Variants in MYOCD observed in about 807,000 individuals in gnomAD.
MYOCD encodes the protein myocardin.
Under a neutral mutation model 96.1 loss-of-function variants are expected in MYOCD, and 32 were observed. The observed-to-expected ratio is 0.33, with a 90% CI of 0.25 to 0.45. The LOEUF is 0.45. Ranked by LOEUF, MYOCD falls within the 20% of genes least tolerant of loss-of-function variation. The probability of loss-of-function intolerance (pLI) is 1.00; values close to 1 mark genes in which losing one functional copy is unlikely to be tolerated. For missense variants in MYOCD, 1,133 were observed against 1,200.6 expected (o/e 0.94, Z 0.83); for synonymous variants, 469 against 469.0 (o/e 1.00, Z 0.00).
intron 1 of MYOCD, among the ~76,000 whole-genome samples, chr17:12,676,245 GCACACACACA>G (rs36211306): frequency 0.077 from 11,220 of 145,552 alleles, 458 homozygotes; most frequent in Admixed American, 0.12. Context: ...GCGCGCGCAC[GCACACACACA>G]CACACACACA....
Position 12,736,188 on chromosome 17 carries a change from C to T in MYOCD, c.443C>T (p.Thr148Met), listed in dbSNP as rs138416805. ...KGNQVSFSKS[T>M]DAFAFEEDSS... ...AACCAGGTGAGTTTCTCCAAATCCA[C>T]GGATGCTTTTGCCTTTGAAGAGGAC... is the stretch of plus-strand genomic sequence containing the variant. Residue 148 changes from threonine to methionine, a missense_variant, in exon 6 of 14, where the codon ACG becomes ATG. Coordinates refer to ENST00000425538, the MANE Select transcript of MYOCD (RefSeq NM_001146312.3). 5.3e-5 allele frequency: 86 copies of T among 1,614,080 alleles called. No individual in the cohort carries two copies. In the African/African-American group the frequency reaches 8.0e-4, roughly 15 times the overall value.
chr17:12,751,718 G>A (rs553563786), intron 9 of MYOCD, among the ~76,000 whole-genome samples: 30 of 152,312 alleles, frequency 2.0e-4, no homozygotes, highest in African/African-American at 7.0e-4. Flanking sequence ...TGATCACTGA[G>A]TTAGTAACAG....
At chr17:12,730,954 CAT>C (rs2032152726) in intron 5 of MYOCD, among the ~76,000 whole-genome samples, 1 of 152,188 alleles carries the variant, frequency 6.6e-6, no homozygotes, top group Admixed American at 6.5e-5. Context: ...ACAGCTGACT[CAT>C]TCATCTGATC....
intron 5 of MYOCD, among the ~76,000 whole-genome samples, chr17:12,735,298 C>T (rs576855842): frequency 1.1e-4 from 17 of 152,248 alleles, no homozygotes; most frequent in Non-Finnish European, 2.9e-5. Context: ...ACATTGTGTA[C>T]TGTGCAGCTG....
intron 1 of MYOCD, among the ~76,000 whole-genome samples, chr17:12,676,567 A>G (rs1029925331): frequency 1.3e-5 from 2 of 151,652 alleles, no homozygotes; most frequent in African/African-American, 2.4e-5. Context: ...TAAGATATGG[A>G]GTGATGGGGA....
At position 12,742,867 on chromosome 17, in the gene MYOCD, C is replaced by T. The variant is rs79026613; in HGVS notation, c.718-1316C>T. 6.1e-3 allele frequency among the ~76,000 whole-genome samples: 926 copies of T among 152,216 alleles called. 17 individuals carry two copies. Among genetic ancestry groups the T allele is most frequent in the East Asian group, 0.031 (162 of 5,166 alleles). ...GATTACAGGCATGAGCCACCGCGCC[C>T]GGCCTGAAAATTACTTTTTTTTAAC... is the stretch of plus-strand genomic sequence containing the variant. On this transcript the variant is annotated intron_variant, in intron 7 of 13. Transcript: ENST00000425538.
At position 12,765,219 on chromosome 17, in the gene MYOCD, T is replaced by C. The variant is rs2033305139; in HGVS notation, c.*1575T>C. ...TCTGTAAGGCTCTCTGTGGCTCCAG[T>C]TCACCATTTTATATTGTTGCATGCT... On this transcript the variant is annotated 3_prime_UTR_variant, in exon 14 of 14. Transcript: ENST00000425538. The C allele has an allele frequency of 6.6e-6, 1 of 152,146 alleles. No individual in the cohort carries two copies. Among genetic ancestry groups the C allele is most frequent in the South Asian group, 2.1e-4 (1 of 4,820 alleles). 9.4% of individuals were successfully genotyped at this position (152,146 alleles called of 1,614,324 possible).
intron 12 of MYOCD, 61 bp downstream of exon 12, chr17:12,758,274 G>T (rs193096194): frequency 1.2e-6 from 2 of 1,608,322 alleles, no homozygotes; most frequent in Admixed American, 1.7e-5. Context: ...GACATTGTTT[G>T]ATATGATTAA....
intron 6 of MYOCD, among the ~76,000 whole-genome samples, chr17:12,737,898 G>A (rs931191606): frequency 4.6e-5 from 7 of 152,202 alleles, no homozygotes; most frequent in Admixed American, 4.6e-4. Context: ...GGCATGGAAA[G>A]CTGAGCTGAA....
rs2033402927 is a variant in MYOCD at position 12,768,672 on chromosome 17, A to T, written c.*5028A>T. 6.6e-6 allele frequency: 1 copy of T among 152,086 alleles called. No homozygotes were observed. Among genetic ancestry groups the T allele is most frequent in the Admixed American group, 6.6e-5 (1 of 15,266 alleles). The allele number at this position is 152,086 out of a possible 1,614,324, so 9.4% of individuals were successfully genotyped here. On this transcript the variant is annotated 3_prime_UTR_variant, in exon 14 of 14. Coordinates refer to ENST00000425538, the MANE Select transcript of MYOCD (RefSeq NM_001146312.3). The stretch of plus-strand genomic sequence containing the variant: ...AATGGCCCTGCAGTAAGAACGGAGG[A>T]CAATGTATTGCTGGGTGCTTAAAAT...
At chr17:12,747,544 G>A (rs1360493271) in intron 9 of MYOCD, among the ~76,000 whole-genome samples, 1 of 152,080 alleles carries the variant, frequency 6.6e-6, no homozygotes, top group African/African-American at 2.4e-5. Context: ...AGACTCATGT[G>A]CGACGTGTGG....
chr17:12,766,005 T>C lies in MYOCD; in HGVS notation c.*2361T>C, dbSNP rs1269370109. On this transcript the variant is annotated 3_prime_UTR_variant, in exon 14 of 14. Coordinates refer to ENST00000425538, the MANE Select transcript of MYOCD (RefSeq NM_001146312.3). ...AAAATCCAGAAGAAAAAATTGCCAG[T>C]GTTTCCTTTGAAGATGAAGCTACTG... 6.6e-6 allele frequency: 1 copy of C among 152,248 alleles called. No individual in the cohort carries two copies. The highest frequency in any genetic ancestry group is 1.5e-5 in the Non-Finnish European group (1 of 68,042). The allele number at this position is 152,248 out of a possible 1,614,324, so 9.4% of individuals were successfully genotyped here.
chr17:12,666,424 TG>T (rs1909378849), intron 1 of MYOCD, among the ~76,000 whole-genome samples, 181 bp downstream of exon 1: 1 of 152,172 alleles, frequency 6.6e-6, no homozygotes, highest in Non-Finnish European at 1.5e-5. Context: ...TGTCTTCCGT[TG>T]TAAGTGCTTT....
At chr17:12,699,776 C>T (rs2030968623) in intron 1 of MYOCD, among the ~76,000 whole-genome samples, 1 of 152,004 alleles carries the variant, frequency 6.6e-6, no homozygotes, top group Non-Finnish European at 1.5e-5. Context: ...GGACCCATAC[C>T]CAAGAAAATA....
intron 10 of MYOCD, among the ~76,000 whole-genome samples, chr17:12,754,389 A>G (rs1305586545): frequency 6.6e-6 from 1 of 152,242 alleles, no homozygotes; most frequent in Non-Finnish European, 1.5e-5. Context: ...GGCGTGAGCC[A>G]CCATGCCCAG....
At chr17:12,683,806 A>G (rs1243767046) in intron 1 of MYOCD, among the ~76,000 whole-genome samples, 1 of 152,172 alleles carries the variant, frequency 6.6e-6, no homozygotes, top group African/African-American at 2.4e-5. Context: ...CATAGGCAGA[A>G]CTTGTGACAG....
intron 2 of MYOCD, chr17:12,710,358 C>A: frequency 4.3e-6 from 1 of 230,406 alleles, no homozygotes; most frequent in Non-Finnish European, 7.2e-6. Flanking sequence ...GCTACGTGTC[C>A]ACAGAGTCTC....
intron 1 of MYOCD, among the ~76,000 whole-genome samples, chr17:12,701,206 G>C (rs1345835751): frequency 6.6e-6 from 1 of 152,108 alleles, no homozygotes; most frequent in African/African-American, 2.4e-5. Flanking sequence ...GAGGTTAGGA[G>C]TTCTAGACCA....
intron 1 of MYOCD, among the ~76,000 whole-genome samples, chr17:12,697,361 T>A (rs8078537): frequency 0.046 from 1,956 of 42,618 alleles, 4 homozygotes; most frequent in East Asian, 0.072. Context: ...ATATATATAT[T>A]TTTTTTTTTT....
Sources: gnomAD v4.1 joint callset for allele counts (sites outside exome capture counted in the v4.1 genomes callset) on GRCh38, gnomAD v4.1.1 for gene constraint, MANE v1.5 for transcripts, NCBI Gene and HGNC (gene_info 2026-07-23, HGNC 2026-07-21) for gene names.